Variants in GUCY1A2 observed in about 807,000 individuals in gnomAD.
The protein encoded by GUCY1A2 is guanylate cyclase 1 soluble subunit alpha 2, also known as guanylate cyclase soluble subunit alpha-2.
In GUCY1A2, 27 loss-of-function variants were observed where a neutral mutation model predicts 63.5. That is an observed-to-expected ratio of 0.43 (90% CI 0.31 to 0.59). The LOEUF is 0.59. Among genes scored for constraint, GUCY1A2 ranks in the 20% least tolerant of loss-of-function variants. GUCY1A2 has a pLI of 0.11. For synonymous variants in GUCY1A2, 364 were observed against 343.5 expected (o/e 1.06, Z -0.66); for missense variants, 768 against 913.3 (o/e 0.84, Z 2.05).
chr11:106,871,750 C>T (rs1859681047), intron 4 of GUCY1A2, among the ~76,000 whole-genome samples: 1 of 152,066 alleles, frequency 6.6e-6, no homozygotes, highest in Non-Finnish European at 1.5e-5. Context: ...GTCACATTAA[C>T]ACGATTTCTA....
intron 4 of GUCY1A2, among the ~76,000 whole-genome samples, chr11:106,841,302 T>A (rs919788278): frequency 1.3e-5 from 2 of 151,908 alleles, no homozygotes; most frequent in African/African-American, 4.8e-5. Context: ...GGCTCCCCAA[T>A]ATGTTAGGTG....
chr11:106,777,362 G>A (rs563715020), intron 5 of GUCY1A2, among the ~76,000 whole-genome samples: 1 of 150,168 alleles, frequency 6.7e-6, no homozygotes, highest in South Asian at 2.1e-4. Flanking sequence ...CAGGAGAATC[G>A]CTTGAACCCA....
Position 106,954,973 on chromosome 11 carries a change from T to G in GUCY1A2, c.488-14795A>C, listed in dbSNP as rs184545684. 5.3e-3 allele frequency among the ~76,000 whole-genome samples: 734 copies of G among 138,148 alleles called. 7 individuals are homozygous for G. The highest frequency in any genetic ancestry group is 0.018 in the African/African-American group (664 of 37,114). The allele number at this position is 138,148 out of a possible 152,430, so 90.6% of individuals were successfully genotyped here. On this transcript the variant is annotated intron_variant, in intron 3 of 7. Transcript: ENST00000526355. Reference sequence around the variant, plus strand: ...ACTCCTTATTCAATTTGCCAGTCTGTGTCTTTTTTTTTTCTTTTTTTTGAG... The same window carrying G: ...ACTCCTTATTCAATTTGCCAGTCTGGGTCTTTTTTTTTTCTTTTTTTTGAG...
At chr11:106,896,347 C>G (rs1860049154) in intron 4 of GUCY1A2, among the ~76,000 whole-genome samples, 1 of 152,236 alleles carries the variant, frequency 6.6e-6, no homozygotes, top group Non-Finnish European at 1.5e-5. Flanking sequence ...AAAATCTCTA[C>G]AGCTAACATT....
chr11:106,851,457 T>G (rs1859354086), intron 4 of GUCY1A2, among the ~76,000 whole-genome samples: 1 of 152,012 alleles, frequency 6.6e-6, no homozygotes, highest in South Asian at 2.1e-4. Flanking sequence ...TTCCCTATGC[T>G]TTCTTCTACT....
intron 4 of GUCY1A2, among the ~76,000 whole-genome samples, chr11:106,831,396 T>C (rs1035287557): frequency 1.3e-5 from 2 of 152,136 alleles, no homozygotes; most frequent in South Asian, 2.1e-4. Flanking sequence ...ACGTGGGTTA[T>C]TGGGATATGG....
chr11:106,894,193 A>T (rs79646875), intron 4 of GUCY1A2, among the ~76,000 whole-genome samples: 4,978 of 152,302 alleles, frequency 0.033, 263 homozygotes, highest in African/African-American at 0.11. Context: ...AAGTAAAGTT[A>T]TCAGGGATGA....
Position 106,678,745 on chromosome 11 carries a change from G to T in GUCY1A2, c.*8804C>A. 5.0e-6 allele frequency: 1 copy of T among 201,136 alleles called. No individual in the cohort carries two copies. The highest frequency in any genetic ancestry group is 7.7e-5 in the East Asian group (1 of 13,038). The allele number at this position is 201,136 out of a possible 1,614,324, so 12.5% of individuals were successfully genotyped here. A position where few individuals can be genotyped will look rare whatever the true frequency, so the allele number is the denominator to read the frequency against. ...TTGTTCTATATTCTAATGTGAACAA[G>T]CTGAAAATACAGTATTATTTGACTA... On this transcript the variant is annotated 3_prime_UTR_variant, in exon 8 of 8. Coordinates refer to ENST00000526355, the MANE Select transcript of GUCY1A2 (RefSeq NM_000855.3).
At chr11:106,717,981 C>T (rs1863243907) in intron 6 of GUCY1A2, among the ~76,000 whole-genome samples, 1 of 152,134 alleles carries the variant, frequency 6.6e-6, no homozygotes. Context: ...ACAATTTTTG[C>T]TTATTTCCCA....
rs553259877 is a variant in GUCY1A2, at chr11:106,727,829, C to T, written c.1837-19163G>A. ...CAGGGATTTTCCTCCTCTTACCTGG[C>T]CAATCACACTAATCTAATTTCTCCA... is the stretch of plus-strand genomic sequence containing the variant. On this transcript the variant is annotated intron_variant, in intron 6 of 7. Transcript: ENST00000526355. 5.3e-5 allele frequency among the ~76,000 whole-genome samples: 8 copies of T among 152,264 alleles called. No individual in the cohort carries two copies. The East Asian group carries it at 5.8e-4, about 11-fold the overall frequency.
intron 4 of GUCY1A2, among the ~76,000 whole-genome samples, chr11:106,874,188 C>T (rs1053554790): frequency 6.6e-6 from 1 of 152,072 alleles, no homozygotes; most frequent in African/African-American, 2.4e-5. Flanking sequence ...TTGCTGAATA[C>T]ATATTATATA....
chr11:106,860,173 G>A (rs1216576370), intron 4 of GUCY1A2, among the ~76,000 whole-genome samples: 1 of 151,690 alleles, frequency 6.6e-6, no homozygotes, highest in Non-Finnish European at 1.5e-5. Flanking sequence ...TTAACATATT[G>A]GGTTAAAAAG....
intron 4 of GUCY1A2, among the ~76,000 whole-genome samples, chr11:106,849,742 G>C (rs1483985227): frequency 6.6e-6 from 1 of 151,594 alleles, no homozygotes; most frequent in Non-Finnish European, 1.5e-5. Context: ...AAACCTACCT[G>C]AAAATTTCAG....
At chr11:106,931,829 A>T (rs1860606664) in intron 4 of GUCY1A2, among the ~76,000 whole-genome samples, 2 of 152,218 alleles carry the variant, frequency 1.3e-5, no homozygotes, top group African/African-American at 4.8e-5. Context: ...AGTTGGAGGT[A>T]GGAGCAGGAA....
intron 2 of GUCY1A2, 147 bp downstream of exon 2, chr11:106,985,923 A>G (rs1224540465): frequency 6.6e-6 from 4 of 601,800 alleles, no homozygotes; most frequent in African/African-American, 5.6e-5. Flanking sequence ...GACTCCCCCA[A>G]TAAGCCTTCA....
chr11:106,703,010 G>A (rs1862844101), intron 7 of GUCY1A2, among the ~76,000 whole-genome samples: 1 of 152,138 alleles, frequency 6.6e-6, no homozygotes, highest in African/African-American at 2.4e-5. Context: ...CCACCCTCAA[G>A]CTGGGTGGAC....
intron 4 of GUCY1A2, among the ~76,000 whole-genome samples, chr11:106,833,427 T>C (rs1859077342): frequency 6.6e-6 from 1 of 152,052 alleles, no homozygotes; most frequent in African/African-American, 2.4e-5. Flanking sequence ...ATTAAGAAAA[T>C]GCTCAGAAGC....
At chr11:106,727,320 A>G (rs1037816572) in intron 6 of GUCY1A2, among the ~76,000 whole-genome samples, 2 of 152,176 alleles carry the variant, frequency 1.3e-5, no homozygotes, top group African/African-American at 4.8e-5. Flanking sequence ...TCCAAATTCA[A>G]GAGCTGTCCT....
At chr11:106,890,930 T>A (rs1859965048) in intron 4 of GUCY1A2, among the ~76,000 whole-genome samples, 1 of 152,190 alleles carries the variant, frequency 6.6e-6, no homozygotes, top group African/African-American at 2.4e-5. Flanking sequence ...CATAAAGCTG[T>A]TAGAAATATT....
Sources: gnomAD v4.1 joint callset for allele counts (sites outside exome capture counted in the v4.1 genomes callset) on GRCh38, gnomAD v4.1.1 for gene constraint, MANE v1.5 for transcripts, NCBI Gene and HGNC (gene_info 2026-07-23, HGNC 2026-07-21) for gene names.